Variants in HNMT observed in about 807,000 individuals in gnomAD.
HNMT encodes histamine N-methyltransferase.
Under a neutral mutation model 32.1 loss-of-function variants are expected in HNMT, and 30 were observed. The ratio of observed to expected loss-of-function variants is 0.93; its 90% CI spans 0.70 to 1.27. The LOEUF (loss-of-function observed/expected upper bound fraction) is 1.27, where lower values mean the gene tolerates loss of function less well. Ranked by LOEUF, HNMT falls within the 50% of genes most tolerant of loss-of-function variation. HNMT has a pLI of 0.00. For synonymous variants in HNMT, 125 were observed against 119.0 expected (o/e 1.05, Z -0.33); for missense variants, 327 against 346.0 (o/e 0.95, Z 0.43).
At chr2:137,969,153 C>G (rs994402313) in intron 1 of HNMT, among the ~76,000 whole-genome samples, 31 of 152,174 alleles carry the variant, frequency 2.0e-4, no homozygotes, top group African/African-American at 7.2e-4. Context: ...CTTTCTCTGC[C>G]TCCAATTACT....
At chr2:138,008,192 C>A (rs1681385692) in intron 5 of HNMT, among the ~76,000 whole-genome samples, 1 of 151,988 alleles carries the variant, frequency 6.6e-6, no homozygotes, top group Non-Finnish European at 1.5e-5. Flanking sequence ...TCTTTGTGTT[C>A]ATCAGTTCTC....
chr2:137,975,293 A>C (rs1194735935), intron 2 of HNMT, among the ~76,000 whole-genome samples: 4 of 152,136 alleles, frequency 2.6e-5, no homozygotes, highest in Admixed American at 1.3e-4. Flanking sequence ...AGGAAAGAAA[A>C]AAATAGGGAG....
At chr2:138,011,189 C>G (rs1681493219) in intron 5 of HNMT, among the ~76,000 whole-genome samples, 1 of 151,820 alleles carries the variant, frequency 6.6e-6, no homozygotes, top group African/African-American at 2.4e-5. Context: ...GTGTTTGGTT[C>G]TTTTTTCTCT....
At chr2:138,012,332 C>T (rs1681530880) in intron 5 of HNMT, among the ~76,000 whole-genome samples, 1 of 152,096 alleles carries the variant, frequency 6.6e-6, no homozygotes, top group African/African-American at 2.4e-5. Flanking sequence ...AAGAGTTCAG[C>T]TCATGTCTGT....
chr2:137,993,804 A>T (rs1029991502), intron 2 of HNMT, among the ~76,000 whole-genome samples: 1 of 152,222 alleles, frequency 6.6e-6, no homozygotes, highest in Non-Finnish European at 1.5e-5. Flanking sequence ...AGGGAAACCC[A>T]TCAGACTGAC....
intron 2 of HNMT, among the ~76,000 whole-genome samples, chr2:137,980,591 T>G (rs769917493): frequency 5.9e-5 from 9 of 152,200 alleles, no homozygotes; most frequent in Non-Finnish European, 8.8e-5. Flanking sequence ...TTGAAGCATT[T>G]TCTCTAAGTT....
chr2:138,013,600 A>G (rs538543367), intron 5 of HNMT, among the ~76,000 whole-genome samples, 175 bp from the exon 6 acceptor site: 1 of 152,220 alleles, frequency 6.6e-6, no homozygotes, highest in East Asian at 1.9e-4. Flanking sequence ...TTCATTTAGC[A>G]TTTATCACCA....
chr2:138,011,086 T>C (rs1381177336), intron 5 of HNMT, among the ~76,000 whole-genome samples: 2 of 152,038 alleles, frequency 1.3e-5, no homozygotes, highest in African/African-American at 4.8e-5. Context: ...CCGAGAGCCA[T>C]TATGATAATG....
At chr2:138,008,885 C>A (rs1256377210) in intron 5 of HNMT, among the ~76,000 whole-genome samples, 3 of 151,836 alleles carry the variant, frequency 2.0e-5, no homozygotes, top group Non-Finnish European at 4.4e-5. Flanking sequence ...ACACTAAAAT[C>A]AATAAAAACA....
intron 5 of HNMT, among the ~76,000 whole-genome samples, chr2:138,006,647 T>C (rs1017697623): frequency 1.3e-5 from 2 of 152,020 alleles, no homozygotes; most frequent in African/African-American, 4.8e-5. Flanking sequence ...ATGAATTAAT[T>C]GATGATTATT....
In HNMT at chr2:137,979,866, G is replaced by A. The variant is rs139992226; in HGVS notation, c.190+9649G>A. Among the ~76,000 whole-genome samples the A allele has an allele frequency of 3.6e-4, 54 of 152,058 alleles. 1 individual carries two copies. Among genetic ancestry groups the A allele is most frequent in the African/African-American group, 1.3e-3 (53 of 41,498 alleles). On this transcript the variant is annotated intron_variant, in intron 2 of 5. Transcript: ENST00000280097. ...TCTGCATTATTAATTTTTAGCCAGAGAGAGAAAAAAACAAAACTATAATTT... is the reference window on the plus strand; with the variant it reads ...TCTGCATTATTAATTTTTAGCCAGAAAGAGAAAAAAACAAAACTATAATTT...
intron 1 of HNMT, among the ~76,000 whole-genome samples, chr2:137,968,281 A>G (rs1438925886): frequency 6.6e-6 from 1 of 152,226 alleles, no homozygotes; most frequent in African/African-American, 2.4e-5. Flanking sequence ...TTCAATAATT[A>G]TTTGATGTCA....
At chr2:137,972,468 G>C (rs1680167477) in intron 2 of HNMT, among the ~76,000 whole-genome samples, 1 of 152,100 alleles carries the variant, frequency 6.6e-6, no homozygotes, top group Non-Finnish European at 1.5e-5. Flanking sequence ...GTGATATAGT[G>C]TAATAAGAAC....
intron 2 of HNMT, among the ~76,000 whole-genome samples, chr2:137,971,529 C>T (rs1188192191): frequency 6.6e-6 from 1 of 152,116 alleles, no homozygotes; most frequent in Non-Finnish European, 1.5e-5. Context: ...AGATCCAGTG[C>T]TTTCATTCTA....
chr2:138,008,162 C>T (rs1032875586), intron 5 of HNMT, among the ~76,000 whole-genome samples: 1 of 151,872 alleles, frequency 6.6e-6, no homozygotes. Flanking sequence ...TCAAGTAGAC[C>T]TCAATGTCTG....
intron 1 of HNMT, 109 bp downstream of exon 1, chr2:137,964,737 A>C: frequency 9.3e-7 from 1 of 1,070,782 alleles, no homozygotes; most frequent in Non-Finnish European, 1.4e-6. Context: ...ATAAGGGCGA[A>C]TTACTGATAG....
intron 2 of HNMT, among the ~76,000 whole-genome samples, chr2:137,989,228 C>T (rs1680742852): frequency 6.6e-6 from 1 of 152,168 alleles, no homozygotes; most frequent in Non-Finnish European, 1.5e-5. Flanking sequence ...TATGCTCCAC[C>T]CCTTCACATC....
intron 2 of HNMT, among the ~76,000 whole-genome samples, chr2:137,993,183 A>G (rs1680877735): frequency 6.6e-6 from 1 of 152,220 alleles, no homozygotes; most frequent in African/African-American, 2.4e-5. Flanking sequence ...TCGGGGTAAC[A>G]GAACTGGAGG....
At chr2:137,993,542 C>T (rs1313022511) in intron 2 of HNMT, among the ~76,000 whole-genome samples, 4 of 152,070 alleles carry the variant, frequency 2.6e-5, no homozygotes, top group Non-Finnish European at 4.4e-5. Flanking sequence ...AAGACCAAAC[C>T]TACAATTGAT....
Sources: allele counts gnomAD v4.1 joint callset (sites outside exome capture counted in the v4.1 genomes callset), GRCh38; gene constraint gnomAD v4.1.1; transcripts MANE v1.5; gene names NCBI Gene and HGNC (gene_info 2026-07-23, HGNC 2026-07-21).